CALN1: variants seen among roughly 807,000 people sequenced by gnomAD.
CALN1 encodes the protein calcium-binding protein 8.
CALN1 carries 17 observed loss-of-function variants against 30.6 expected under a neutral mutation model. That is an observed-to-expected ratio of 0.56 (90% CI 0.38 to 0.83). CALN1 has a LOEUF of 0.83. Ranked by LOEUF, CALN1 falls within the 40% of genes least tolerant of loss-of-function variation. The pLI is 0.00. For synonymous variants in CALN1, 156 were observed against 131.4 expected (o/e 1.19, Z -1.28); for missense variants, 291 against 354.9 (o/e 0.82, Z 1.45).
At chr7:72,055,662 C>T (rs1803206119) in intron 4 of CALN1, among the ~76,000 whole-genome samples, 1 of 151,960 alleles carries the variant, frequency 6.6e-6, no homozygotes, top group Admixed American at 6.6e-5. Flanking sequence ...TAGCTGAAAG[C>T]AAATACATTT....
At chr7:72,209,605 C>A (rs116032376) in intron 3 of CALN1, among the ~76,000 whole-genome samples, 1 of 151,746 alleles carries the variant, frequency 6.6e-6, no homozygotes, top group African/African-American at 2.4e-5. Context: ...TTAGTATATT[C>A]ACAGACATGT....
chr7:72,013,604 C>A (rs1005044316), intron 5 of CALN1, among the ~76,000 whole-genome samples: 1 of 151,950 alleles, frequency 6.6e-6, no homozygotes, highest in Non-Finnish European at 1.5e-5. Flanking sequence ...GACCGTATAG[C>A]CTAATACAAA....
chr7:72,293,643 G>A (rs931747884), intron 2 of CALN1, among the ~76,000 whole-genome samples: 3 of 152,136 alleles, frequency 2.0e-5, no homozygotes, highest in Admixed American at 6.5e-5. Context: ...GACCAGCAAA[G>A]TGACACGTTT....
At chr7:72,238,649 G>A (rs1249020936) in intron 3 of CALN1, among the ~76,000 whole-genome samples, 1 of 152,082 alleles carries the variant, frequency 6.6e-6, no homozygotes, top group Non-Finnish European at 1.5e-5. Flanking sequence ...TAGTGAGTGA[G>A]TTCTCACAAG....
chr7:72,132,874 A>G (rs924591675), intron 3 of CALN1, among the ~76,000 whole-genome samples: 3 of 152,190 alleles, frequency 2.0e-5, no homozygotes, highest in Non-Finnish European at 4.4e-5. Context: ...CGGGCTGCAG[A>G]GCAGGAGGTG....
chr7:72,054,803 A>AG (rs1489910563), intron 4 of CALN1, among the ~76,000 whole-genome samples: 3 of 152,092 alleles, frequency 2.0e-5, no homozygotes, highest in Admixed American at 1.3e-4. Context: ...ATTGGGTACT[A>AG]GGCTTAGTAC....
intron 5 of CALN1, among the ~76,000 whole-genome samples, chr7:71,939,403 C>CAAAAAAAAAAAA (rs56368426): frequency 2.8e-5 from 3 of 105,458 alleles, no homozygotes; most frequent in African/African-American, 1.2e-4. Flanking sequence ...ACTAAAAATA[C>CAAAAAAAAAAAA]AAAAAAAAAA....
chr7:72,000,502 CATTA>C lies in CALN1; in HGVS notation c.501+23151_501+23154del, dbSNP rs549283412. On this transcript the variant is annotated intron_variant, in intron 5 of 6. Transcript: ENST00000395275. ...ATAGATAATCTGAATGATGCTACACCATTAAAGAAATTGATTTCATAATTTAAAA... is the reference window on the plus strand; with the variant it reads ...ATAGATAATCTGAATGATGCTACACCAAGAAATTGATTTCATAATTTAAAA... Among the ~76,000 whole-genome samples, 23 of 151,874 alleles carry C rather than the reference CATTA, an allele frequency of 1.5e-4. No individual in the cohort carries two copies. In the South Asian group the frequency reaches 2.3e-3, roughly 15 times the overall value.
intron 5 of CALN1, among the ~76,000 whole-genome samples, chr7:72,010,680 G>T (rs1800018928): frequency 6.6e-6 from 1 of 151,850 alleles, no homozygotes. Context: ...GCATGTGGTG[G>T]CGCGTGTCTG....
At chr7:72,087,576 CAA>C (rs1805561961) in intron 4 of CALN1, among the ~76,000 whole-genome samples, 3 of 152,194 alleles carry the variant, frequency 2.0e-5, no homozygotes, top group Admixed American at 2.0e-4. Context: ...AGAAAAGCGA[CAA>C]GAGATAATTC....
intron 3 of CALN1, among the ~76,000 whole-genome samples, chr7:72,145,438 G>A (rs1786629821): frequency 6.6e-6 from 1 of 152,154 alleles, no homozygotes; most frequent in Non-Finnish European, 1.5e-5. Flanking sequence ...TTGAATCTCT[G>A]AATAGACCAA....
chr7:71,965,876 A>C (rs1797505422), intron 5 of CALN1, among the ~76,000 whole-genome samples: 1 of 151,008 alleles, frequency 6.6e-6, no homozygotes, highest in Non-Finnish European at 1.5e-5. Flanking sequence ...AGCCTAGAGG[A>C]TCTTTCTTGG....
the CALN1 span, among the ~76,000 whole-genome samples, chr7:72,486,329 C>G: frequency 6.6e-6 from 1 of 152,258 alleles, no homozygotes; most frequent in Non-Finnish European, 1.5e-5. Flanking sequence ...AGTAATAATA[C>G]ATATAAACCT....
chr7:72,395,421 T>C (rs1805864081), intron 2 of CALN1, among the ~76,000 whole-genome samples: 1 of 152,116 alleles, frequency 6.6e-6, no homozygotes, highest in Non-Finnish European at 1.5e-5. Context: ...AAAACTGAGA[T>C]AAATGAAGAT....
At chr7:72,039,338 G>A (rs896263011) in intron 4 of CALN1, among the ~76,000 whole-genome samples, 3 of 152,156 alleles carry the variant, frequency 2.0e-5, no homozygotes, top group Admixed American at 1.3e-4. Flanking sequence ...TCCACAGGAT[G>A]CAAGCAGAAA....
chr7:72,500,929 C>A, the CALN1 span, among the ~76,000 whole-genome samples: 3 of 151,746 alleles, frequency 2.0e-5, no homozygotes, highest in Non-Finnish European at 4.4e-5. Context: ...AAGAACAGTA[C>A]CTAAATTGTT....
At chr7:72,401,012 C>T (rs570998612) in intron 2 of CALN1, among the ~76,000 whole-genome samples, 1 of 152,120 alleles carries the variant, frequency 6.6e-6, no homozygotes, top group Non-Finnish European at 1.5e-5. Context: ...AGCGAGGAAA[C>T]AGTGGTGGCT....
intron 5 of CALN1, among the ~76,000 whole-genome samples, chr7:71,857,486 C>T (rs1030241448): frequency 2.0e-5 from 3 of 152,100 alleles, no homozygotes; most frequent in African/African-American, 7.2e-5. Context: ...CTGCCTTGGG[C>T]GTTTCAAAGG....
chr7:72,376,248 T>C (rs1804546673), intron 2 of CALN1, among the ~76,000 whole-genome samples: 3 of 152,246 alleles, frequency 2.0e-5, no homozygotes, highest in Non-Finnish European at 2.9e-5. Context: ...AATTCTTTTG[T>C]GTATATATCT....
Sources: gnomAD v4.1 joint callset for allele counts (sites outside exome capture counted in the v4.1 genomes callset) on GRCh38, gnomAD v4.1.1 for gene constraint, MANE v1.5 for transcripts, NCBI Gene and HGNC (gene_info 2026-07-23, HGNC 2026-07-21) for gene names.